SVEP1: variants seen among roughly 807,000 people sequenced by gnomAD.
SVEP1 encodes sushi, von Willebrand factor type A, EGF and pentraxin domain containing 1.
Under a neutral mutation model 367.3 loss-of-function variants are expected in SVEP1, and 164 were observed. The ratio of observed to expected loss-of-function variants is 0.45; its 90% CI spans 0.39 to 0.51. The LOEUF (loss-of-function observed/expected upper bound fraction) is 0.51. Among genes scored for constraint, SVEP1 ranks in the 20% least tolerant of loss-of-function variants. SVEP1 has a pLI of 0.00. For missense variants in SVEP1, 4,117 were observed against 4,425.3 expected (o/e 0.93, Z 1.98); for synonymous variants, 1,666 against 1,611.6 (o/e 1.03, Z -0.81).
chr9:110,471,267 T>C, intron 16 of SVEP1, 97 bp downstream of exon 16: 1 of 1,003,212 alleles, frequency 1.0e-6, no homozygotes. Flanking sequence ...CAAAATATGT[T>C]TCATTTCAAT....
intron 5 of SVEP1, among the ~76,000 whole-genome samples, chr9:110,511,435 T>C (rs1829709470): frequency 1.4e-5 from 2 of 147,728 alleles, no homozygotes; most frequent in African/African-American, 5.0e-5. Flanking sequence ...CTTGAGTTAG[T>C]TTTCTAATTT....
chr9:110,575,288 C>T (rs1830613994), intron 1 of SVEP1, among the ~76,000 whole-genome samples: 1 of 152,120 alleles, frequency 6.6e-6, no homozygotes, highest in African/African-American at 2.4e-5. Flanking sequence ...GAGGGGAGCA[C>T]TGTGTACTCG....
In SVEP1 at chr9:110,435,257, C is replaced by T. The variant is rs1483778642; in HGVS notation, c.4872G>A (p.Lys1624=). 1 of 1,613,028 alleles carries T rather than the reference C, an allele frequency of 6.2e-7. No individual in the cohort carries two copies. Among genetic ancestry groups the T allele is most frequent in the African/African-American group, 1.3e-5 (1 of 74,868 alleles). The part of the protein sequence containing the change: ...GIVGKVKIDS[K]SIFCSDCPRL... ...AATTCTCACCAGAACAAAATATGCT[C>T]TTAGAATCGATCTTCACTTTCCCCA... Residue 1624 remains lysine, a synonymous_variant, in exon 29 of 48, where the codon AAG becomes AAA. Coordinates refer to ENST00000374469, the MANE Select transcript of SVEP1 (RefSeq NM_153366.4).
intron 17 of SVEP1, among the ~76,000 whole-genome samples, chr9:110,467,375 A>G (rs1473930580): frequency 1.3e-5 from 2 of 152,200 alleles, no homozygotes; most frequent in African/African-American, 4.8e-5. Context: ...AAGTGTCATG[A>G]GACTTCTTTC....
At chr9:110,483,242 A>G (rs912975075) in intron 10 of SVEP1, among the ~76,000 whole-genome samples, 9 of 152,210 alleles carry the variant, frequency 5.9e-5, no homozygotes, top group Admixed American at 2.6e-4. Context: ...GTCTGAATAT[A>G]TAGATGTGCA....
At chr9:110,546,997 T>C (rs1205694708) in intron 2 of SVEP1, among the ~76,000 whole-genome samples, 2 of 152,222 alleles carry the variant, frequency 1.3e-5, no homozygotes, top group East Asian at 3.9e-4. Context: ...AGTTTTAGAC[T>C]AAATTCCAAT....
At chr9:110,506,142 A>T (rs1008578244) in intron 5 of SVEP1, among the ~76,000 whole-genome samples, 4 of 152,188 alleles carry the variant, frequency 2.6e-5, no homozygotes, top group Admixed American at 2.6e-4. Flanking sequence ...TGCAAAGGAC[A>T]TGAACTCATC....
In SVEP1 at chr9:110,514,041, G is replaced by A. The variant is rs895292026; in HGVS notation, c.1030C>T (p.Pro344Ser). The change falls in exon 4 of 48, where the codon CCT becomes TCT. Residue 344 changes from proline to serine, a missense_variant. Pro to Ser is a moderately conservative substitution (Grantham distance 74). Transcript: ENST00000374469. ...GGTGGAGAGGTGTGATTTTCATCAG[G>A]ACATGGAATGCAACTGCTGATTCCT... ...PGGISSCIPCPDENHTSPPGS... is the reference protein window; with the variant it reads ...PGGISSCIPCSDENHTSPPGS... 6 of 1,611,810 alleles carry A rather than the reference G, an allele frequency of 3.7e-6. No individual in the cohort carries two copies. In the African/African-American group the frequency reaches 4.0e-5, roughly 11 times the overall value.
chr9:110,575,799 C>G (rs1398805449), intron 1 of SVEP1, among the ~76,000 whole-genome samples: 3 of 152,038 alleles, frequency 2.0e-5, no homozygotes, highest in South Asian at 2.1e-4. Context: ...AGAGAGCCAC[C>G]CCCAGTTAAA....
In SVEP1 at chr9:110,385,926, C is replaced by T. The variant is rs547197873; in HGVS notation, c.10209G>A (p.Thr3403=). 14 of 1,613,802 alleles carry T rather than the reference C, an allele frequency of 8.7e-6. No individual in the cohort carries two copies. Among genetic ancestry groups the T allele is most frequent in the Middle Eastern group, 1.7e-4 (1 of 6,058 alleles). ...HGIITCNPDE[T]WTQTSAKCEK... is the part of the protein sequence containing the mutation. ...CACATTTGGCGCTTGTCTGTGTCCA[C>T]GTCTCGTCGGGGTTGCAGGTAATGA... The change falls in exon 43 of 48, where the codon ACG becomes ACA. Residue 3403 remains threonine, a synonymous_variant. Transcript: ENST00000374469.
intron 1 of SVEP1, among the ~76,000 whole-genome samples, chr9:110,559,331 G>A (rs1280642089): frequency 1.3e-5 from 2 of 151,854 alleles, no homozygotes; most frequent in Non-Finnish European, 1.5e-5. Flanking sequence ...TAGTATTAAT[G>A]TCTTTAAAAT....
At chr9:110,535,968 C>T (rs1439048258) in intron 3 of SVEP1, among the ~76,000 whole-genome samples, 1 of 151,930 alleles carries the variant, frequency 6.6e-6, no homozygotes, top group East Asian at 1.9e-4. Context: ...CTTTCTGTTG[C>T]CTGAATGCCC....
At chr9:110,538,613 T>C (rs928690762) in intron 3 of SVEP1, among the ~76,000 whole-genome samples, 1 of 152,254 alleles carries the variant, frequency 6.6e-6, no homozygotes, top group Non-Finnish European at 1.5e-5. Context: ...TAGTGTTTCC[T>C]CCTTTTATGA....
At chr9:110,409,415 C>CT (rs997884057) in intron 37 of SVEP1, among the ~76,000 whole-genome samples, 8 of 152,024 alleles carry the variant, frequency 5.3e-5, no homozygotes, top group Non-Finnish European at 1.2e-4. Context: ...GAGCAAGACT[C>CT]TGTCTAAAGG....
chr9:110,447,693 G>A (rs542662513), intron 24 of SVEP1, among the ~76,000 whole-genome samples: 1 of 152,232 alleles, frequency 6.6e-6, no homozygotes, highest in South Asian at 2.1e-4. Flanking sequence ...GCAATGTCAT[G>A]AGAAGTTGAG....
intron 10 of SVEP1, 127 bp downstream of exon 10, chr9:110,483,457 CTT>C (rs1829228532): frequency 2.0e-6 from 1 of 493,638 alleles, no homozygotes; most frequent in Non-Finnish European, 3.5e-6. Flanking sequence ...AACATGTTAA[CTT>C]ATATAATTAT....
At chr9:110,399,058 C>A (rs1034009304) in intron 40 of SVEP1, among the ~76,000 whole-genome samples, 2 of 152,070 alleles carry the variant, frequency 1.3e-5, no homozygotes, top group Non-Finnish European at 2.9e-5. Flanking sequence ...ATGTTTATTG[C>A]GGCACTATTC....
chr9:110,379,372 T>C lies in SVEP1; in HGVS notation c.10383A>G (p.Thr3461=). ...CTCTGCAAATAGGAGGTGATGTCCA[T>C]GTTCCATTTTCTAAACAAACACTCC... The part of the protein sequence containing the change: ...FLRSVCLENG[T]WTSPPICRAV... The change falls in exon 44 of 48, where the codon ACA becomes ACG. Residue 3461 remains threonine (T), a synonymous_variant. Transcript: ENST00000374469. The C allele has an allele frequency of 1.9e-6, 3 of 1,613,810 alleles. No homozygotes were observed. Among genetic ancestry groups the C allele is most frequent in the East Asian group, 2.2e-5 (1 of 44,856 alleles).
intron 8 of SVEP1, among the ~76,000 whole-genome samples, chr9:110,495,775 G>A (rs1247974509): frequency 6.6e-6 from 1 of 152,130 alleles, no homozygotes; most frequent in Non-Finnish European, 1.5e-5. Context: ...TCTAACATCT[G>A]ATGGATTATT....
Sources: gnomAD v4.1 joint callset for allele counts (sites outside exome capture counted in the v4.1 genomes callset) on GRCh38, gnomAD v4.1.1 for gene constraint, MANE v1.5 for transcripts, NCBI Gene and HGNC (gene_info 2026-07-23, HGNC 2026-07-21) for gene names.